Variants in BLTP3A observed in about 807,000 individuals in gnomAD.
The protein encoded by BLTP3A is ICBP90 binding protein 1.
chr6:34,842,327 T>C, the BLTP3A span, among the ~76,000 whole-genome samples: 1 of 152,220 alleles, frequency 6.6e-6, no homozygotes, highest in African/African-American at 2.4e-5. Context: ...TAACTCAGTG[T>C]ATTTTGATAT....
chr6:34,857,542 G>C, the BLTP3A span: 1 of 1,558,040 alleles, frequency 6.4e-7, no homozygotes, highest in East Asian at 2.2e-5. Flanking sequence ...GGGCCACTAC[G>C]TATATTTTTA....
chr6:34,861,943 T>C, the BLTP3A span, among the ~76,000 whole-genome samples: 2 of 152,246 alleles, frequency 1.3e-5, no homozygotes, highest in South Asian at 4.1e-4. Flanking sequence ...TCATAATTTA[T>C]TGATCCATTC....
At chr6:34,834,579 C>T in the BLTP3A span, 8 of 1,352,040 alleles carry the variant, frequency 5.9e-6, no homozygotes, top group South Asian at 1.4e-5. Context: ...ATTATGGATC[C>T]CCAATTCACT....
chr6:34,874,426 C>T, the BLTP3A span: 1 of 152,536 alleles, frequency 6.6e-6, no homozygotes, highest in Non-Finnish European at 1.5e-5. Flanking sequence ...ACTCGGGAGG[C>T]TGAAGCAGGA....
At chr6:34,823,834 C>T in the BLTP3A span, among the ~76,000 whole-genome samples, 102 of 152,072 alleles carry the variant, frequency 6.7e-4, no homozygotes, top group African/African-American at 2.4e-3. Context: ...CCATGCCCAA[C>T]GTTGTCATTC....
At chr6:34,875,936 C>T in the BLTP3A span, 4 of 152,582 alleles carry the variant, frequency 2.6e-5, no homozygotes, top group East Asian at 7.7e-4. Context: ...AACAATACCT[C>T]AAGAAAATGT....
chr6:34,871,653 G>C, the BLTP3A span: 1 of 1,614,184 alleles, frequency 6.2e-7, no homozygotes, highest in Non-Finnish European at 8.5e-7. Flanking sequence ...GGAACATGTT[G>C]TGCTGAAGAG....
At chr6:34,836,119 G>A in the BLTP3A span, 2 of 1,600,458 alleles carry the variant, frequency 1.2e-6, no homozygotes, top group Non-Finnish European at 1.7e-6. Context: ...ATCTTTTCAG[G>A]GTCTGGACTT....
chr6:34,809,709 C>G, the BLTP3A span, among the ~76,000 whole-genome samples: 2 of 152,046 alleles, frequency 1.3e-5, no homozygotes, highest in African/African-American at 4.8e-5. Flanking sequence ...AGTGTGCCAC[C>G]ATGCCCGGCT....
chr6:34,864,522 CT>C, the BLTP3A span, among the ~76,000 whole-genome samples: 18,152 of 108,868 alleles, frequency 0.17, 1,021 homozygotes, highest in African/African-American at 0.26. Flanking sequence ...TGCTTATAGT[CT>C]TTTTTTTTTT....
the BLTP3A span, among the ~76,000 whole-genome samples, chr6:34,802,056 G>A: frequency 1.3e-5 from 2 of 152,026 alleles, no homozygotes; most frequent in Non-Finnish European, 2.9e-5. Context: ...TTAAACTATA[G>A]TGAATATTTT....
the BLTP3A span, among the ~76,000 whole-genome samples, chr6:34,854,578 T>G: frequency 8.5e-3 from 1,289 of 152,284 alleles, 19 homozygotes; most frequent in African/African-American, 0.027. Flanking sequence ...GTATTAAAAT[T>G]TCATGGAGAG....
At chr6:34,858,834 C>T in the BLTP3A span, 1 of 1,614,130 alleles carries the variant, frequency 6.2e-7, no homozygotes, top group Non-Finnish European at 8.5e-7. Context: ...CGGCCCATGT[C>T]CGCGTGAGGC....
At chr6:34,843,491 T>C in the BLTP3A span, among the ~76,000 whole-genome samples, 2 of 152,220 alleles carry the variant, frequency 1.3e-5, no homozygotes, top group Non-Finnish European at 2.9e-5. Flanking sequence ...GTTATATGTT[T>C]ATGGGATATA....
At chr6:34,857,498 G>T in the BLTP3A span, 1 of 1,607,538 alleles carries the variant, frequency 6.2e-7, no homozygotes, top group African/African-American at 1.3e-5. Context: ...CTATTTTTCT[G>T]TCTAGCTCAT....
chr6:34,862,382 AAAAAAT>A, the BLTP3A span, among the ~76,000 whole-genome samples: 13 of 151,976 alleles, frequency 8.6e-5, no homozygotes, highest in Non-Finnish European at 1.3e-4. Flanking sequence ...TCTCAAAAAA[AAAAAAT>A]AATAATAAAA....
chr6:34,862,090 A>G, the BLTP3A span, among the ~76,000 whole-genome samples: 1 of 152,202 alleles, frequency 6.6e-6, no homozygotes, highest in Non-Finnish European at 1.5e-5. Flanking sequence ...AATAAAAACC[A>G]AAAAGTGGCT....
At chr6:34,798,080 C>A in the BLTP3A span, among the ~76,000 whole-genome samples, 1 of 152,186 alleles carries the variant, frequency 6.6e-6, no homozygotes, top group Admixed American at 6.6e-5. Context: ...GTCATTATCT[C>A]CACCAAAGGG....
chr6:34,823,638 G>A, the BLTP3A span, among the ~76,000 whole-genome samples: 2 of 151,090 alleles, frequency 1.3e-5, no homozygotes, highest in African/African-American at 4.9e-5. Flanking sequence ...GACCTCCTGG[G>A]CTCAATCAGT....
Sources: allele counts gnomAD v4.1 joint callset (sites outside exome capture counted in the v4.1 genomes callset), GRCh38; gene constraint gnomAD v4.1.1; transcripts MANE v1.5; gene names NCBI Gene and HGNC (gene_info 2026-07-23, HGNC 2026-07-21).